The following CFP variants were observed in gnomAD, a reference collection of about 807,000 sequenced individuals.
CFP encodes complement factor properdin.
Under a neutral mutation model 42.1 loss-of-function variants are expected in CFP, and 14 were observed. That is an observed-to-expected ratio of 0.33 (90% CI 0.22 to 0.52). The LOEUF is 0.52. CFP is among the 20% of genes least tolerant of loss of function. CFP has a pLI of 0.96. For missense variants in CFP, 318 were observed against 400.4 expected (o/e 0.79, Z 1.76); for synonymous variants, 149 against 160.6 (o/e 0.93, Z 0.54).
At chrX:47,626,636 C>A in intron 6 of CFP, 117 bp from the exon 7 acceptor site, 1 of 1,030,648 alleles carries the variant, frequency 9.7e-7, no homozygotes, top group Non-Finnish European at 1.3e-6. Context: ...GAATGGGGGA[C>A]CAGGGGTGGA....
chrX:47,630,204 G>A (rs1287858875), upstream of CFP: 1 of 263,109 alleles, frequency 3.8e-6, no homozygotes, highest in East Asian at 8.1e-5. Context: ...TAACACCCCT[G>A]AGCCTCAGTT....
At chrX:47,626,649 C>A in intron 6 of CFP, 124 bp downstream of exon 6, 1 of 1,043,947 alleles carries the variant, frequency 9.6e-7, no homozygotes, top group Non-Finnish European at 1.3e-6. Context: ...GGGGTGGAAA[C>A]AAGGTATCAG....
At position 47,626,123 on chromosome X, in the gene CFP, G is replaced by A. The variant is rs961523439; in HGVS notation, c.1179C>T (p.Pro393=). 8.5e-7 allele frequency: 1 copy of A among 1,179,824 alleles called. No individual in the cohort carries two copies. Among genetic ancestry groups the A allele is most frequent in the Non-Finnish European group, 1.1e-6 (1 of 878,599 alleles). ...CACGGGTAGGATTAGGTCCACAGGG[G>A]GGCATGCACAGCCCCCAGGTACTCC... ...SEWSTWGLCM[P]PCGPNPTRAR... is the part of the protein sequence containing the mutation. Residue 393 remains proline, a synonymous_variant, in exon 8 of 9, where the codon CCC becomes CCT. Transcript: ENST00000396992.
At chrX:47,626,295 C>T (rs2057968159) in intron 7 of CFP, 33 bp downstream of exon 7, 3 of 1,202,468 alleles carry the variant, frequency 2.5e-6, no homozygotes, top group Non-Finnish European at 3.4e-6. Context: ...ATGGGCCACC[C>T]CACCCTCAGA....
In CFP at chrX:47,629,517, C is replaced by A. The variant is rs773063425; in HGVS notation, c.227+7G>T. On this transcript the variant is annotated splice_region_variant and intron_variant, in intron 2 of 8. Transcript: ENST00000396992. ...CCCCCCATCCCCCACCCCAGGCTCCCCCTAACCTGCAAGGCTGACAGAGCC... is the reference window on the plus strand; with the variant it reads ...CCCCCCATCCCCCACCCCAGGCTCCACCTAACCTGCAAGGCTGACAGAGCC... 8.8e-7 allele frequency: 1 copy of A among 1,136,048 alleles called. No homozygotes were observed. Among genetic ancestry groups the A allele is most frequent in the South Asian group, 1.9e-5 (1 of 51,793 alleles). The allele number at this position is 1,136,048 out of a possible 1,213,427, so 93.6% of individuals were successfully genotyped here.
In CFP at chrX:47,624,150, A is replaced by G; in HGVS notation, c.*125T>C. ...TGTGCTGTTTGCCCTATGAGATGCT[A>G]TCACCCTACTTTTGGGGAAGGGGAT... On this transcript the variant is annotated 3_prime_UTR_variant, in exon 9 of 9. Coordinates refer to ENST00000396992, the MANE Select transcript of CFP (RefSeq NM_001145252.3). The G allele has an allele frequency of 1.3e-6, 1 of 742,284 alleles. No individual in the cohort carries two copies. The highest frequency in any genetic ancestry group is 2.1e-6 in the Non-Finnish European group (1 of 474,762). The allele number at this position is 742,284 out of a possible 1,213,427, so 61.2% of individuals were successfully genotyped here.
Position 47,629,925 on chromosome X carries a change from A to C in CFP, c.-81T>G. On this transcript the variant is annotated 5_prime_UTR_variant, in exon 1 of 9. Coordinates refer to ENST00000396992, the MANE Select transcript of CFP (RefSeq NM_001145252.3). The stretch of plus-strand genomic sequence containing the variant: ...TGATAGGCTCCTGGAATCAGCAGGG[A>C]AAGAGGAACCTAGAGGCAGGAGGAA... 1 of 1,048,386 alleles carries C rather than the reference A, an allele frequency of 9.5e-7. No homozygotes were observed. The highest frequency in any genetic ancestry group is 3.3e-5 in the East Asian group (1 of 30,294). 86.4% of individuals were successfully genotyped at this position (1,048,386 alleles called of 1,213,427 possible). A position where few individuals can be genotyped will look rare whatever the true frequency, so the allele number is the denominator to read the frequency against.
At chrX:47,630,172 G>A (rs968651719), upstream of CFP, 3 of 318,879 alleles carry the variant, frequency 9.4e-6, no homozygotes, top group Admixed American at 5.0e-5. Flanking sequence ...CTTCCTAGCC[G>A]TGTGACCTTG....
Position 47,624,325 on chromosome X carries a change from G to A in CFP, c.1360C>T (p.Pro454Ser), listed in dbSNP as rs768994510. The A allele has an allele frequency of 2.8e-5, 34 of 1,210,577 alleles. No individual in the cohort carries two copies. The highest frequency in any genetic ancestry group is 3.1e-5 in the Non-Finnish European group (28 of 895,159). Reference protein sequence around the residue: ...GQKLVVEEKRPCLHVPACKDP... With the variant: ...GQKLVVEEKRSCLHVPACKDP... ...TTGCAAGCAGGCACGTGTAGACATG[G>A]TCGTTTCTCCTCCACCACCAGCTTC... is the stretch of plus-strand genomic sequence containing the variant. Residue 454 changes from proline (P) to serine (S), a missense_variant, in exon 9 of 9, where the codon CCA becomes TCA. Physicochemically the swap from Pro to Ser is moderately conservative, Grantham distance 74. Coordinates refer to ENST00000396992, the MANE Select transcript of CFP (RefSeq NM_001145252.3).
In CFP at chrX:47,628,242, G is replaced by T. The variant is rs779108735; in HGVS notation, c.263C>A (p.Pro88His). 6 of 1,210,757 alleles carry T rather than the reference G, an allele frequency of 5.0e-6. No homozygotes were observed. The Admixed American group carries it at 1.3e-4, about 26-fold the overall frequency. The change falls in exon 3 of 9, where the codon CCC becomes CAC. Residue 88 changes from proline to histidine, a missense_variant. Pro to His is a moderately conservative substitution (Grantham distance 77). Transcript: ENST00000396992. ...GCCCTCAGAGCACGTCACCGAACAG[G>T]GGGCCCATGTGGACCACAGGGACCA... ...PRWSLWSTWA[P>H]CSVTCSEGSQ...
chrX:47,625,955 T>C (rs1194304253), intron 8 of CFP, 103 bp downstream of exon 8: 3 of 648,786 alleles, frequency 4.6e-6, no homozygotes, highest in Non-Finnish European at 7.5e-6. Flanking sequence ...GCAAGGCAGA[T>C]ACCTTAGATT....
chrX:47,629,597 T>A lies in CFP; in HGVS notation c.154A>T (p.Ser52Cys). The A allele has an allele frequency of 1.7e-5, 20 of 1,162,550 alleles. No homozygotes were observed. The highest frequency in any genetic ancestry group is 2.3e-5 in the Non-Finnish European group (20 of 869,138). ...GTGTTGAGACAGCAGTCTTCCACGC[T>A]GACACCACCCCCCAGGAGGCCCTTG... The part of the protein sequence containing the change: ...KCKGLLGGGV[S>C]VEDCCLNTAF... The change falls in exon 2 of 9, where the codon AGC becomes TGC. Residue 52 changes from serine to cysteine, a missense_variant. By Grantham distance (112) the Ser-to-Cys change is moderately radical (BLOSUM62 -1). Coordinates refer to ENST00000396992, the MANE Select transcript of CFP (RefSeq NM_001145252.3).
intron 8 of CFP, 147 bp from the exon 9 acceptor site, chrX:47,624,587 C>T (rs1171409680): frequency 1.3e-5 from 6 of 468,134 alleles, no homozygotes; most frequent in South Asian, 3.8e-5. Flanking sequence ...CAGGGTCTCA[C>T]TCTGTTGCCC....
chrX:47,625,663 C>G (rs952159409), intron 8 of CFP: 3 of 257,025 alleles, frequency 1.2e-5, no homozygotes, highest in Non-Finnish European at 2.2e-5. Context: ...GTATCTGCAA[C>G]TGTTGCTGAA....
intron 6 of CFP, 85 bp from the exon 7 acceptor site, chrX:47,626,604 G>A (rs2057969464): frequency 9.4e-7 from 1 of 1,068,861 alleles, no homozygotes; most frequent in Non-Finnish European, 1.3e-6. Flanking sequence ...CGGTAGGAGG[G>A]AGTAGAGGTG....
chrX:47,628,027 A>G, intron 3 of CFP, 75 bp downstream of exon 3: 2 of 1,127,742 alleles, frequency 1.8e-6, no homozygotes, highest in Non-Finnish European at 2.4e-6. Context: ...GCCCACTCTG[A>G]GGACCTCTGT....
rs1415281249 is a variant in CFP, at chrX:47,623,640, T to G, written c.*635A>C. The G allele has an allele frequency of 8.6e-6, 1 of 116,220 alleles. No homozygotes were observed. Among genetic ancestry groups the G allele is most frequent in the Admixed American group, 8.6e-5 (1 of 11,623 alleles). The allele number at this position is 116,220 out of a possible 1,213,427, so 9.6% of individuals were successfully genotyped here. On this transcript the variant is annotated 3_prime_UTR_variant, in exon 9 of 9. Transcript: ENST00000396992. ...CAGCTCAGAGCGCAACACAGGCACT[T>G]CCTCGGCCCGCCCCCCGCCTCGCCG...
At position 47,626,133 on chromosome X, in the gene CFP, A is replaced by G; in HGVS notation, c.1169T>C (p.Leu390Pro). ...GSWSEWSTWGLCMPPCGPNPT... is the reference protein window; with the variant it reads ...GSWSEWSTWGPCMPPCGPNPT... ...ATTAGGTCCACAGGGGGGCATGCAC[A>G]GCCCCCAGGTACTCCACTCTGACCA... is the stretch of plus-strand genomic sequence containing the variant. Residue 390 changes from leucine to proline, a missense_variant, in exon 8 of 9, where the codon CTG (leucine) becomes CCG (proline). Leu to Pro is a moderately conservative substitution (Grantham distance 98). Coordinates refer to ENST00000396992, the MANE Select transcript of CFP (RefSeq NM_001145252.3). 8.5e-7 allele frequency: 1 copy of G among 1,176,955 alleles called. No homozygotes were observed. The highest frequency in any genetic ancestry group is 1.1e-6 in the Non-Finnish European group (1 of 876,773).
At chrX:47,629,453 G>A (rs1010903910) in intron 2 of CFP, 71 bp downstream of exon 2, 8 of 886,786 alleles carry the variant, frequency 9.0e-6, no homozygotes, top group African/African-American at 2.0e-5. Context: ...GAAAGAAAGT[G>A]CCCAGTTTTG....
Sources: allele counts gnomAD v4.1 joint callset, GRCh38; gene constraint gnomAD v4.1.1; transcripts MANE v1.5; gene names NCBI Gene and HGNC (gene_info 2026-07-23, HGNC 2026-07-21).